BMAL1: variants seen among roughly 807,000 people sequenced by gnomAD.
BMAL1 encodes the protein basic helix-loop-helix ARNT like 1, also known as basic helix-loop-helix ARNT-like protein 1.
chr11:13,381,037 C>T, the BMAL1 span: 4 of 879,470 alleles, frequency 4.5e-6, no homozygotes, highest in Non-Finnish European at 5.4e-6. Flanking sequence ...TATCTGGCCC[C>T]TTACAGAAAA....
chr11:13,386,620 A>G, the BMAL1 span: 3 of 1,614,102 alleles, frequency 1.9e-6, no homozygotes, highest in African/African-American at 1.3e-5. Context: ...ATAGGTATAG[A>G]CATGATTGAC....
the BMAL1 span, among the ~76,000 whole-genome samples, chr11:13,279,066 C>T: frequency 6.6e-6 from 1 of 152,156 alleles, no homozygotes; most frequent in African/African-American, 2.4e-5. Flanking sequence ...CCGCTGCCGC[C>T]GCGCACCCCG....
At chr11:13,325,657 T>TTG in the BMAL1 span, among the ~76,000 whole-genome samples, 5,532 of 134,310 alleles carry the variant, frequency 0.041, 225 homozygotes, top group African/African-American at 0.098. Context: ...TTGAGACCTT[T>TTG]TGTGTGTGTG....
chr11:13,305,413 T>C, the BMAL1 span, among the ~76,000 whole-genome samples: 2 of 152,216 alleles, frequency 1.3e-5, no homozygotes, highest in African/African-American at 4.8e-5. Flanking sequence ...TCATTGCTAG[T>C]ATATAGAAAT....
the BMAL1 span, chr11:13,374,336 T>TC: frequency 1.3e-6 from 1 of 759,156 alleles, no homozygotes; most frequent in Non-Finnish European, 2.2e-6. Context: ...GGTCAGAACA[T>TC]CTGTGTGAAG....
chr11:13,381,032 G>A, the BMAL1 span: 1 of 791,192 alleles, frequency 1.3e-6, no homozygotes, highest in Non-Finnish European at 2.1e-6. Context: ...CCTACTATCT[G>A]GCCCCTTACA....
the BMAL1 span, chr11:13,365,406 T>A: frequency 4.4e-6 from 5 of 1,126,620 alleles, no homozygotes; most frequent in Admixed American, 9.6e-5. Flanking sequence ...GTGCTTTGGA[T>A]GCTTAGAAAG....
At chr11:13,348,617 T>G in the BMAL1 span, among the ~76,000 whole-genome samples, 1 of 152,082 alleles carries the variant, frequency 6.6e-6, no homozygotes, top group East Asian at 1.9e-4. Flanking sequence ...AAACAGAGAA[T>G]CAGATTTAGA....
At chr11:13,291,700 T>C in the BMAL1 span, among the ~76,000 whole-genome samples, 2 of 152,246 alleles carry the variant, frequency 1.3e-5, no homozygotes. Context: ...TATTTAGAAG[T>C]CGGCAGGAAT....
At chr11:13,351,605 C>T in the BMAL1 span, among the ~76,000 whole-genome samples, 2 of 151,750 alleles carry the variant, frequency 1.3e-5, no homozygotes, top group Non-Finnish European at 2.9e-5. Context: ...CCCAGGACAT[C>T]CATGGGACCC....
the BMAL1 span, among the ~76,000 whole-genome samples, chr11:13,350,892 T>C: frequency 6.6e-6 from 1 of 152,332 alleles, no homozygotes; most frequent in African/African-American, 2.4e-5. Flanking sequence ...ACAACATCAA[T>C]GATGAACAAA....
chr11:13,367,080 C>T, the BMAL1 span, among the ~76,000 whole-genome samples: 13 of 152,078 alleles, frequency 8.5e-5, no homozygotes, highest in Admixed American at 3.3e-4. Flanking sequence ...TAGAAAATCC[C>T]AGTTGTATGC....
chr11:13,382,482 T>C, the BMAL1 span, among the ~76,000 whole-genome samples: 1 of 152,144 alleles, frequency 6.6e-6, no homozygotes, highest in Non-Finnish European at 1.5e-5. Flanking sequence ...ACAGATGAAG[T>C]CTGAGCTTGG....
chr11:13,365,342 C>T, the BMAL1 span: 12 of 487,832 alleles, frequency 2.5e-5, no homozygotes, highest in Middle Eastern at 5.5e-4. Flanking sequence ...TCTTCAGAGA[C>T]GTTTGTTTTC....
At chr11:13,372,248 C>T in the BMAL1 span, 15 of 1,614,170 alleles carry the variant, frequency 9.3e-6, no homozygotes, top group East Asian at 4.5e-5. Context: ...ATGAAGACAA[C>T]GAACCAGACA....
chr11:13,316,746 G>C, the BMAL1 span, among the ~76,000 whole-genome samples: 1 of 152,182 alleles, frequency 6.6e-6, no homozygotes, highest in Non-Finnish European at 1.5e-5. Context: ...ATTTTAAAAT[G>C]GCTTCTGACC....
chr11:13,285,620 G>A, the BMAL1 span, among the ~76,000 whole-genome samples: 1 of 152,282 alleles, frequency 6.6e-6, no homozygotes, highest in African/African-American at 2.4e-5. Flanking sequence ...CCCTGGGGTT[G>A]AAAGGTGCTT....
the BMAL1 span, chr11:13,387,045 T>G: frequency 1.1e-5 from 3 of 268,774 alleles, no homozygotes; most frequent in East Asian, 2.1e-4. Context: ...TTAATCATTG[T>G]GCACAGAAGC....
chr11:13,335,991 AAG>A, the BMAL1 span, among the ~76,000 whole-genome samples: 12,324 of 152,306 alleles, frequency 0.081, 622 homozygotes, highest in East Asian at 0.18. Flanking sequence ...GACAATATGA[AAG>A]AGCAAGAGAG....
Sources: gnomAD v4.1 joint callset for allele counts (sites outside exome capture counted in the v4.1 genomes callset) on GRCh38, gnomAD v4.1.1 for gene constraint, MANE v1.5 for transcripts, NCBI Gene and HGNC (gene_info 2026-07-23, HGNC 2026-07-21) for gene names.